Variants in NBEA observed in about 807,000 individuals in gnomAD.
NBEA encodes the protein lysosomal-trafficking regulator 2.
NBEA carries 44 observed loss-of-function variants against 343.4 expected under a neutral mutation model. The observed-to-expected ratio is 0.13, with a 90% CI of 0.10 to 0.16. The LOEUF (loss-of-function observed/expected upper bound fraction) is 0.16, where lower values mean the gene tolerates loss of function less well. Among genes scored for constraint, NBEA ranks in the 10% least tolerant of loss-of-function variants. NBEA has a pLI of 1.00. For missense variants in NBEA, 2,555 were observed against 3,631.3 expected (o/e 0.70, Z 7.62); for synonymous variants, 1,175 against 1,238.7 (o/e 0.95, Z 1.08).
rs764919381 is a variant in NBEA, at chr13:35,050,386, A to G, written c.963A>G (p.Gln321=). Residue 321 remains glutamine (Q), a synonymous_variant, in exon 6 of 59, where the codon CAA becomes CAG. Transcript: ENST00000379939. ...GFQHCVKYDF[Q]PRKWYMISIV... is the part of the protein sequence containing the mutation. ...AGCATTGTGTGAAATATGATTTTCA[A>G]CCACGCAAGGTAGGTAAAAGTAAAT... The G allele has an allele frequency of 4.9e-5, 79 of 1,607,932 alleles. No homozygotes were observed. Among genetic ancestry groups the G allele is most frequent in the Admixed American group, 5.0e-5 (3 of 59,678 alleles).
intron 33 of NBEA, among the ~76,000 whole-genome samples, chr13:35,217,385 G>T (rs1346493212): frequency 6.6e-6 from 1 of 151,788 alleles, no homozygotes; most frequent in Admixed American, 6.6e-5. Context: ...AATCTGGCTT[G>T]TCAGATTTAC....
At chr13:35,532,037 C>A (rs1384430858) in intron 41 of NBEA, among the ~76,000 whole-genome samples, 1 of 152,126 alleles carries the variant, frequency 6.6e-6, no homozygotes, top group Non-Finnish European at 1.5e-5. Context: ...GCTTTGGCGG[C>A]TCATAAAAGA....
chr13:35,249,879 A>G (rs934498188), intron 34 of NBEA, among the ~76,000 whole-genome samples: 2 of 152,340 alleles, frequency 1.3e-5, no homozygotes, highest in South Asian at 4.1e-4. Flanking sequence ...TATACATACA[A>G]TGGAATGGTA....
intron 36 of NBEA, among the ~76,000 whole-genome samples, chr13:35,333,685 C>T (rs2039070246): frequency 6.6e-6 from 1 of 151,950 alleles, no homozygotes; most frequent in African/African-American, 2.4e-5. Flanking sequence ...TACCTCTCTC[C>T]AACTCCTCAA....
rs1403316662 is a variant in NBEA, at chr13:35,164,467, T to C, written c.4191T>C (p.Cys1397=). Residue 1397 remains cysteine, a synonymous_variant, in exon 24 of 59, where the codon TGT becomes TGC. Coordinates refer to ENST00000379939, the MANE Select transcript of NBEA (RefSeq NM_001385012.1). ...SQMVDNIIIA[C]GGILPLLSAA... ...TGGTAGACAACATCATCATTGCTTG[T>C]GGAGGAATTTTACCTTTGCTCTCTG... 6.2e-7 allele frequency: 1 copy of C among 1,611,088 alleles called. No individual in the cohort carries two copies. Among genetic ancestry groups the C allele is most frequent in the Non-Finnish European group, 8.5e-7 (1 of 1,178,544 alleles).
chr13:35,030,254 TCTTG>T (rs1593519051), intron 1 of NBEA, among the ~76,000 whole-genome samples: 2 of 151,704 alleles, frequency 1.3e-5, no homozygotes, highest in Admixed American at 6.6e-5. Context: ...AAATCTTCTT[TCTTG>T]CTTTTAACTT....
intron 10 of NBEA, among the ~76,000 whole-genome samples, chr13:35,096,161 A>G (rs927401093): frequency 6.6e-6 from 1 of 150,534 alleles, no homozygotes; most frequent in East Asian, 2.0e-4. Context: ...TCTATTTACT[A>G]TTACGTCCAC....
chr13:35,401,804 G>A (rs1473981932), intron 38 of NBEA, among the ~76,000 whole-genome samples: 1 of 151,922 alleles, frequency 6.6e-6, no homozygotes, highest in African/African-American at 2.4e-5. Context: ...TTCCATTAAA[G>A]GTTAAATCAA....
chr13:35,111,044 A>C, intron 13 of NBEA, 66 bp downstream of exon 13: 1 of 1,366,964 alleles, frequency 7.3e-7, no homozygotes, highest in Non-Finnish European at 1.0e-6. Context: ...AGTACTGTTA[A>C]AGTGAGCAGT....
intron 31 of NBEA, among the ~76,000 whole-genome samples, chr13:35,200,378 G>A (rs1440594058): frequency 2.1e-5 from 3 of 145,150 alleles, no homozygotes; most frequent in African/African-American, 7.6e-5. Context: ...TGAGTGTTTG[G>A]TATATATATA....
intron 36 of NBEA, among the ~76,000 whole-genome samples, chr13:35,333,983 G>A (rs1361168478): frequency 6.6e-6 from 1 of 152,002 alleles, no homozygotes; most frequent in African/African-American, 2.4e-5. Flanking sequence ...CTTGGCTACT[G>A]TTAACAGTAC....
At chr13:35,459,948 A>G (rs573112680) in intron 40 of NBEA, among the ~76,000 whole-genome samples, 67 of 152,332 alleles carry the variant, frequency 4.4e-4, no homozygotes, top group Non-Finnish European at 7.6e-4. Context: ...GATAGACTCA[A>G]ATCCATCTGC....
At chr13:35,571,844 A>T (rs946116419) in intron 45 of NBEA, among the ~76,000 whole-genome samples, 35 of 152,182 alleles carry the variant, frequency 2.3e-4, no homozygotes, top group Admixed American at 5.2e-4. Context: ...TTAAATGTTT[A>T]TTAGAACTTT....
At chr13:35,400,657 G>T (rs1363311742) in intron 38 of NBEA, among the ~76,000 whole-genome samples, 3 of 151,848 alleles carry the variant, frequency 2.0e-5, no homozygotes, top group African/African-American at 7.3e-5. Context: ...TCCCCTTACT[G>T]CCTCAATCCA....
intron 16 of NBEA, among the ~76,000 whole-genome samples, chr13:35,120,570 G>A (rs2066740981): frequency 6.6e-6 from 1 of 152,156 alleles, no homozygotes; most frequent in African/African-American, 2.4e-5. Context: ...TATTTTGGGA[G>A]GAAAATTCTA....
At chr13:35,440,523 A>T (rs902763025) in intron 39 of NBEA, among the ~76,000 whole-genome samples, 1 of 152,182 alleles carries the variant, frequency 6.6e-6, no homozygotes, top group Non-Finnish European at 1.5e-5. Flanking sequence ...GATGAATGGA[A>T]GTCTTCCCAA....
chr13:35,214,511 A>G (rs180680469), intron 33 of NBEA, among the ~76,000 whole-genome samples: 2 of 151,378 alleles, frequency 1.3e-5, no homozygotes, highest in Admixed American at 1.3e-4. Context: ...TCTTTTTTGC[A>G]TATGCTTATG....
chr13:35,138,327 A>C (rs988908859), intron 17 of NBEA, among the ~76,000 whole-genome samples: 2 of 152,132 alleles, frequency 1.3e-5, no homozygotes, highest in Admixed American at 6.5e-5. Flanking sequence ...CAATCATTTC[A>C]GTTTTTATCC....
chr13:35,636,543 A>G (rs2083699200), intron 49 of NBEA, among the ~76,000 whole-genome samples: 1 of 152,206 alleles, frequency 6.6e-6, no homozygotes, highest in South Asian at 2.1e-4. Flanking sequence ...TTTTCCCATG[A>G]TTAAACACTT....
Sources: gnomAD v4.1 joint callset for allele counts (sites outside exome capture counted in the v4.1 genomes callset) on GRCh38, gnomAD v4.1.1 for gene constraint, MANE v1.5 for transcripts, NCBI Gene and HGNC (gene_info 2026-07-23, HGNC 2026-07-21) for gene names.